GRIA1: variants seen among roughly 807,000 people sequenced by gnomAD.
GRIA1 encodes glutamate ionotropic receptor AMPA type subunit 1, also known as glutamate receptor 1.
In GRIA1, 31 loss-of-function variants were observed where a neutral mutation model predicts 99.2. That is an observed-to-expected ratio of 0.31 (90% CI 0.23 to 0.42). The LOEUF (loss-of-function observed/expected upper bound fraction) is 0.42. Ranked by LOEUF, GRIA1 falls within the 10% of genes least tolerant of loss-of-function variation. The pLI, the probability that GRIA1 is intolerant of heterozygous loss-of-function variation, is 1.00. For missense variants in GRIA1, 782 were observed against 1,157.5 expected (o/e 0.68, Z 4.71); for synonymous variants, 438 against 432.4 (o/e 1.01, Z -0.16).
intron 5 of GRIA1, among the ~76,000 whole-genome samples, chr5:153,665,181 C>A (rs983553766): frequency 6.6e-6 from 1 of 152,196 alleles, no homozygotes; most frequent in Non-Finnish European, 1.5e-5. Context: ...ACCTGGAGTC[C>A]CTAACCTTCT....
In GRIA1 at chr5:153,718,750, C is replaced by A. The variant is rs1470591153; in HGVS notation, c.1823+12683C>A. Among the ~76,000 whole-genome samples the A allele has an allele frequency of 4.6e-5, 7 of 152,282 alleles. 1 individual carries two copies. The highest frequency in any genetic ancestry group is 1.7e-4 in the African/African-American group (7 of 41,566). On this transcript the variant is annotated intron_variant, in intron 11 of 15. Transcript: ENST00000285900. ...TCCCCCACCAATCATTTATTCCCTG[C>A]TAAGAGCTTTCTGAGACTCACTGAC... is the stretch of plus-strand genomic sequence containing the variant.
chr5:153,600,058 A>G (rs1764771177), intron 2 of GRIA1, among the ~76,000 whole-genome samples: 1 of 152,088 alleles, frequency 6.6e-6, no homozygotes, highest in Non-Finnish European at 1.5e-5. Flanking sequence ...GTCGTCAGAG[A>G]GTCTACAGTG....
intron 2 of GRIA1, among the ~76,000 whole-genome samples, chr5:153,513,325 T>C (rs1035571081): frequency 6.6e-6 from 1 of 152,136 alleles, no homozygotes; most frequent in Non-Finnish European, 1.5e-5. Flanking sequence ...CCCAGCCTCC[T>C]TCCACTTCTC....
intron 2 of GRIA1, among the ~76,000 whole-genome samples, chr5:153,600,120 G>T (rs1298306094): frequency 6.6e-6 from 1 of 151,918 alleles, no homozygotes. Flanking sequence ...GACCCGGCGC[G>T]GTGGCTCACG....
chr5:153,624,785 C>A (rs1418778075), intron 2 of GRIA1, among the ~76,000 whole-genome samples: 1 of 152,194 alleles, frequency 6.6e-6, no homozygotes, highest in East Asian at 1.9e-4. Context: ...TAAGAAACAT[C>A]TTCAACATAC....
intron 2 of GRIA1, among the ~76,000 whole-genome samples, chr5:153,578,941 G>A (rs932025588): frequency 6.6e-6 from 1 of 151,924 alleles, no homozygotes; most frequent in African/African-American, 2.4e-5. Context: ...AAAGAATTTC[G>A]CCCAGTCACT....
chr5:153,516,011 G>C (rs1756589044), intron 2 of GRIA1, among the ~76,000 whole-genome samples: 1 of 152,120 alleles, frequency 6.6e-6, no homozygotes, highest in South Asian at 2.1e-4. Flanking sequence ...ATGAGGTCAG[G>C]AGATTGAGAC....
intron 5 of GRIA1, among the ~76,000 whole-genome samples, chr5:153,663,718 A>C (rs184728847): frequency 6.6e-6 from 1 of 152,220 alleles, no homozygotes; most frequent in Non-Finnish European, 1.5e-5. Context: ...TGTTTTCAAA[A>C]GGAAAAAAAT....
At chr5:153,684,614 G>A (rs1275210617) in intron 7 of GRIA1, among the ~76,000 whole-genome samples, 1 of 152,166 alleles carries the variant, frequency 6.6e-6, no homozygotes, top group Non-Finnish European at 1.5e-5. Flanking sequence ...TTTGGAATGA[G>A]TCACTTACAT....
chr5:153,736,281 C>T (rs538326909), intron 11 of GRIA1, among the ~76,000 whole-genome samples: 160 of 152,298 alleles, frequency 1.1e-3, no homozygotes, highest in African/African-American at 3.7e-3. Context: ...GTAATTCTTT[C>T]TATAAAGAGA....
chr5:153,685,585 A>T (rs193263561), intron 7 of GRIA1, among the ~76,000 whole-genome samples: 406 of 152,308 alleles, frequency 2.7e-3, no homozygotes, highest in African/African-American at 9.3e-3. Context: ...CATTTAAGAT[A>T]AAAAAAGGGC....
chr5:153,677,311 G>A, intron 7 of GRIA1, 150 bp downstream of exon 7: 2 of 540,944 alleles, frequency 3.7e-6, no homozygotes, highest in Admixed American at 8.7e-5. Context: ...GTGGTTCTTA[G>A]CATACATTGA....
intron 11 of GRIA1, among the ~76,000 whole-genome samples, chr5:153,708,163 A>T (rs1290296546): frequency 2.0e-5 from 3 of 152,102 alleles, no homozygotes. Context: ...TGTGGTCCAT[A>T]AACTGAATCT....
At chr5:153,792,138 G>T (rs919135768) in intron 13 of GRIA1, among the ~76,000 whole-genome samples, 1 of 152,244 alleles carries the variant, frequency 6.6e-6, no homozygotes, top group African/African-American at 2.4e-5. Flanking sequence ...CCAGAAAGGG[G>T]AACATTTTGA....
chr5:153,682,577 C>T lies in GRIA1; in HGVS notation c.1030-3648C>T, dbSNP rs1393564913. Among the ~76,000 whole-genome samples the T allele has an allele frequency of 3.3e-5, 5 of 152,150 alleles. No individual in the cohort carries two copies. The East Asian group carries it at 9.7e-4, about 29-fold the overall frequency. On this transcript the variant is annotated intron_variant, in intron 7 of 15. Coordinates refer to ENST00000285900, the MANE Select transcript of GRIA1 (RefSeq NM_000827.4). ...ATCCCCCAGATTATGTCGGATCATC[C>T]TCGTCCATCTTCAGCAAGAATCCTC...
intron 2 of GRIA1, among the ~76,000 whole-genome samples, chr5:153,535,269 G>A (rs781730398): frequency 6.6e-6 from 1 of 152,200 alleles, no homozygotes; most frequent in Non-Finnish European, 1.5e-5. Context: ...TGGGTAAATA[G>A]ATGTGAACGT....
At chr5:153,529,560 ATCT>A (rs1757913392) in intron 2 of GRIA1, among the ~76,000 whole-genome samples, 1 of 152,184 alleles carries the variant, frequency 6.6e-6, no homozygotes, top group South Asian at 2.1e-4. Context: ...GCATCATAAA[ATCT>A]TCTGAGAGTT....
chr5:153,690,804 G>A (rs1239126224), intron 8 of GRIA1, among the ~76,000 whole-genome samples: 1 of 152,150 alleles, frequency 6.6e-6, no homozygotes, highest in Non-Finnish European at 1.5e-5. Flanking sequence ...TAGAATGTGG[G>A]CTTAAACGTC....
At chr5:153,549,590 C>T (rs1217144986) in intron 2 of GRIA1, among the ~76,000 whole-genome samples, 1 of 152,114 alleles carries the variant, frequency 6.6e-6, no homozygotes, top group Non-Finnish European at 1.5e-5. Flanking sequence ...CTCAAGGCAA[C>T]AACATCCAAA....
Sources: allele counts gnomAD v4.1 joint callset (sites outside exome capture counted in the v4.1 genomes callset), GRCh38; gene constraint gnomAD v4.1.1; transcripts MANE v1.5; gene names NCBI Gene and HGNC (gene_info 2026-07-23, HGNC 2026-07-21).